ZNF93: variants seen among roughly 807,000 people sequenced by gnomAD.
The protein encoded by ZNF93 is zinc finger protein 93, also known as zinc finger protein 505.
A neutral mutation model predicts 45.0 loss-of-function variants in ZNF93; 29 were observed. The observed-to-expected ratio is 0.64, with a 90% CI of 0.48 to 0.88. The LOEUF is 0.88. Ranked by LOEUF, ZNF93 falls within the 40% of genes least tolerant of loss-of-function variation. The pLI is 0.00. For missense variants in ZNF93, 578 were observed against 724.0 expected, an observed-to-expected ratio of 0.80 and a Z score of 2.31; for synonymous variants, 223 against 244.6, an observed-to-expected ratio of 0.91 and a Z score of 0.82.
chr19:19,919,005 T>TGA (rs1351877820), intron 3 of ZNF93, among the ~76,000 whole-genome samples: 1 of 152,218 alleles, frequency 6.6e-6, no homozygotes. Flanking sequence ...TTGCTTTTGT[T>TGA]GTTTTAGACG....
At chr19:19,924,065 C>CA (rs1333431954) in intron 3 of ZNF93, among the ~76,000 whole-genome samples, 4 of 151,874 alleles carry the variant, frequency 2.6e-5, no homozygotes, top group Admixed American at 6.6e-5. Flanking sequence ...GAACTGTCCC[C>CA]TTCCTTCCTT....
At chr19:19,903,377 A>G (rs189636774) in intron 1 of ZNF93, among the ~76,000 whole-genome samples, 2 of 152,310 alleles carry the variant, frequency 1.3e-5, no homozygotes, top group Admixed American at 1.3e-4. Flanking sequence ...ACTCAGAGTG[A>G]GGGTAGCTCA....
chr19:19,917,578 T>C (rs968665958), intron 3 of ZNF93, among the ~76,000 whole-genome samples: 1 of 152,158 alleles, frequency 6.6e-6, no homozygotes, highest in Non-Finnish European at 1.5e-5. Flanking sequence ...ATTTATTAGT[T>C]TAGACAGCTT....
intron 3 of ZNF93, among the ~76,000 whole-genome samples, chr19:19,926,407 A>G (rs950570348): frequency 7.1e-6 from 1 of 140,198 alleles, no homozygotes; most frequent in Non-Finnish European, 1.5e-5. Flanking sequence ...TGATACATCA[A>G]TGTTGCATAC....
At position 19,934,712 on chromosome 19, in the gene ZNF93, TC is replaced by T; in HGVS notation, c.1759del (p.His587IlefsTer27). 7.4e-6 allele frequency: 12 copies of T among 1,613,234 alleles called. No individual in the cohort carries two copies. Among genetic ancestry groups the T allele is most frequent in the Non-Finnish European group, 9.3e-6 (11 of 1,179,728 alleles). On this transcript the variant is annotated frameshift_variant, in exon 4 of 4. Coordinates refer to ENST00000343769, the MANE Select transcript of ZNF93 (RefSeq NM_031218.4). LOFTEE classifies it high-confidence loss of function. Reference sequence around the variant, plus strand: ...GCAACCCTTTCTTCACATAAGAAAATCCATTCTGGAGAGAAACCATACGAGT... The same window carrying T: ...GCAACCCTTTCTTCACATAAGAAAATCATTCTGGAGAGAAACCATACGAGT... ...HSATLSSHKKIHSGEKPYECD... is the reference protein window; with the variant it reads ...HSATLSSHKKXHSGEKPYECD...
At position 19,934,983 on chromosome 19, in the gene ZNF93, A is replaced by G; in HGVS notation, c.*165A>G. 1.4e-6 allele frequency: 1 copy of G among 734,888 alleles called. No individual in the cohort carries two copies. The highest frequency in any genetic ancestry group is 2.1e-6 in the Non-Finnish European group (1 of 467,350). 45.5% of individuals were successfully genotyped at this position (734,888 alleles called of 1,614,324 possible). A position where few individuals can be genotyped will look rare whatever the true frequency, so the allele number is the denominator to read the frequency against. ...GGAAGTGGCCCATTTACAGCCATGTAGGCAGGCCTGCAGACCTTGGCCTTT... is the reference window on the plus strand; with the variant it reads ...GGAAGTGGCCCATTTACAGCCATGTGGGCAGGCCTGCAGACCTTGGCCTTT... On this transcript the variant is annotated 3_prime_UTR_variant, in exon 4 of 4. Coordinates refer to ENST00000343769, the MANE Select transcript of ZNF93 (RefSeq NM_031218.4).
Position 19,933,432 on chromosome 19 carries a change from T to C in ZNF93, c.477T>C (p.Asn159=), listed in dbSNP as rs773289314. ...KYGKVFHKFS[N]SNRHNIRHTE... ...GGAAAGTCTTTCATAAATTTTCAAATTCAAATAGACATAATATAAGACATA... is the reference window on the plus strand; with the variant it reads ...GGAAAGTCTTTCATAAATTTTCAAACTCAAATAGACATAATATAAGACATA... The change falls in exon 4 of 4, where the codon AAT becomes AAC. Residue 159 remains asparagine (N), a synonymous_variant. Transcript: ENST00000343769. The C allele has an allele frequency of 1.4e-5, 23 of 1,595,086 alleles. No homozygotes were observed. The Middle Eastern group carries it at 5.1e-4, about 35-fold the overall frequency.
At chr19:19,902,674 C>T (rs1268264861) in intron 1 of ZNF93, among the ~76,000 whole-genome samples, 1 of 151,622 alleles carries the variant, frequency 6.6e-6, no homozygotes, top group African/African-American at 2.4e-5. Context: ...GTACAGAGCC[C>T]CAGAAAGCTG....
intron 1 of ZNF93, among the ~76,000 whole-genome samples, chr19:19,901,805 T>C (rs575997894): frequency 1.2e-4 from 18 of 152,162 alleles, no homozygotes; most frequent in African/African-American, 4.3e-4. Flanking sequence ...TTAAATCCCC[T>C]TCCTGGCCCA....
chr19:19,921,104 CT>C lies in ZNF93; in HGVS notation c.226+4450del, dbSNP rs561338038. On this transcript the variant is annotated intron_variant, in intron 3 of 3. Transcript: ENST00000343769. Reference sequence around the variant, plus strand: ...AGTGCTATAAATTTCCCTCTACACACTGCTTTAAATGTGTCCCAGAGATTCT... The same window carrying C: ...AGTGCTATAAATTTCCCTCTACACACGCTTTAAATGTGTCCCAGAGATTCT... Among the ~76,000 whole-genome samples the C allele has an allele frequency of 3.2e-4, 49 of 152,302 alleles. 1 individual carries two copies. The South Asian group carries it at 9.5e-3, about 30-fold the overall frequency.
At chr19:19,909,313 A>G (rs1377201537) in intron 1 of ZNF93, 2 of 152,272 alleles carry the variant, frequency 1.3e-5, no homozygotes, top group Non-Finnish European at 2.9e-5. Flanking sequence ...CAGGGAGTAC[A>G]GAGCCACTGC....
chr19:19,919,006 GT>G (rs1222222511), intron 3 of ZNF93, among the ~76,000 whole-genome samples: 1 of 151,926 alleles, frequency 6.6e-6, no homozygotes, highest in Non-Finnish European at 1.5e-5. Flanking sequence ...TGCTTTTGTT[GT>G]TTTAGACGTG....
chr19:19,920,606 T>C (rs1252621102), intron 3 of ZNF93, among the ~76,000 whole-genome samples: 3 of 151,794 alleles, frequency 2.0e-5, no homozygotes, highest in Admixed American at 1.3e-4. Context: ...CAAGCTATTA[T>C]TGCCTCAATT....
intron 1 of ZNF93, among the ~76,000 whole-genome samples, chr19:19,913,453 A>G (rs2063315205): frequency 6.6e-6 from 1 of 152,066 alleles, no homozygotes; most frequent in Non-Finnish European, 1.5e-5. Flanking sequence ...TATATTCATG[A>G]GAGTTAAATT....
intron 3 of ZNF93, among the ~76,000 whole-genome samples, chr19:19,929,256 C>T (rs1237792381): frequency 1.3e-5 from 2 of 152,202 alleles, no homozygotes; most frequent in Non-Finnish European, 2.9e-5. Flanking sequence ...TGCTGGCACA[C>T]ACTTCTTATA....
Position 19,933,756 on chromosome 19 carries a change from C to G in ZNF93, c.801C>G (p.Asn267Lys), listed in dbSNP as rs1218535871. ...GTGAAGAATGTGGCAAAGCTTTTAA[C>G]CAATCCTCGACACTTACTAAACATA... ...YKCEECGKAFNQSSTLTKHKK... is the reference protein window; with the variant it reads ...YKCEECGKAFKQSSTLTKHKK... Residue 267 changes from asparagine (N) to lysine (K), a missense_variant, in exon 4 of 4, where the codon AAC becomes AAG. Asn to Lys is a moderately conservative substitution (Grantham distance 94). Coordinates refer to ENST00000343769, the MANE Select transcript of ZNF93 (RefSeq NM_031218.4). 1.2e-6 allele frequency: 2 copies of G among 1,611,050 alleles called. No homozygotes were observed. The highest frequency in any genetic ancestry group is 1.7e-6 in the Non-Finnish European group (2 of 1,178,956).
At chr19:19,904,366 C>CTT (rs2122159703) in intron 1 of ZNF93, among the ~76,000 whole-genome samples, 1 of 152,252 alleles carries the variant, frequency 6.6e-6, no homozygotes, top group South Asian at 2.1e-4. Context: ...TGGGCTGCAT[C>CTT]TTATATATGA....
chr19:19,934,906 A>T lies in ZNF93; in HGVS notation c.*88A>T. Reference sequence around the variant, plus strand: ...CTGAACTTACTCTGTAACCATCCCAAACTCCTCCCAGGCACAGTCTGGCAG... The same window carrying T: ...CTGAACTTACTCTGTAACCATCCCATACTCCTCCCAGGCACAGTCTGGCAG... On this transcript the variant is annotated 3_prime_UTR_variant, in exon 4 of 4. Transcript: ENST00000343769. The T allele has an allele frequency of 7.2e-6, 10 of 1,395,976 alleles. No individual in the cohort carries two copies. Among genetic ancestry groups the T allele is most frequent in the Non-Finnish European group, 9.7e-6 (10 of 1,034,126 alleles). 86.5% of individuals were successfully genotyped at this position (1,395,976 alleles called of 1,614,324 possible). A position where few individuals can be genotyped will look rare whatever the true frequency, so the allele number is the denominator to read the frequency against.
intron 3 of ZNF93, among the ~76,000 whole-genome samples, chr19:19,925,719 C>T (rs987075714): frequency 6.6e-6 from 1 of 151,822 alleles, no homozygotes; most frequent in East Asian, 1.9e-4. Context: ...CATCTACTTA[C>T]TTTAACCTAT....
Sources: gnomAD v4.1 joint callset for allele counts (sites outside exome capture counted in the v4.1 genomes callset) on GRCh38, gnomAD v4.1.1 for gene constraint, MANE v1.5 for transcripts, NCBI Gene and HGNC (gene_info 2026-07-23, HGNC 2026-07-21) for gene names.